TMCC1: variants seen among roughly 807,000 people sequenced by gnomAD.
The protein encoded by TMCC1 is transmembrane and coiled-coil domains protein 1.
TMCC1 carries 15 observed loss-of-function variants against 52.4 expected under a neutral mutation model. That is an observed-to-expected ratio of 0.29 (90% CI 0.19 to 0.44). TMCC1 has a LOEUF of 0.44. Ranked by LOEUF, TMCC1 falls within the 20% of genes least tolerant of loss-of-function variation. The pLI, the probability that TMCC1 is intolerant of heterozygous loss-of-function variation, is 1.00. For synonymous variants in TMCC1, 279 were observed against 301.9 expected (o/e 0.92, Z 0.79); for missense variants, 503 against 806.0 (o/e 0.62, Z 4.55).
intron 4 of TMCC1, among the ~76,000 whole-genome samples, chr3:129,784,221 A>T (rs2055785424): frequency 6.6e-6 from 1 of 152,098 alleles, no homozygotes; most frequent in South Asian, 2.1e-4. Flanking sequence ...CTGGATATAG[A>T]AGTGAATTAA....
chr3:129,723,817 A>G (rs1402339687), intron 4 of TMCC1, among the ~76,000 whole-genome samples: 1 of 152,084 alleles, frequency 6.6e-6, no homozygotes. Context: ...GAAAAACGCT[A>G]AGTTTCAGCA....
chr3:129,694,056 T>C (rs933721236), intron 4 of TMCC1, among the ~76,000 whole-genome samples: 4 of 152,208 alleles, frequency 2.6e-5, no homozygotes, highest in African/African-American at 9.7e-5. Flanking sequence ...GCCTGATTCC[T>C]GAGGTGGTAA....
intron 4 of TMCC1, among the ~76,000 whole-genome samples, chr3:129,785,220 A>C (rs1371644159): frequency 3.3e-5 from 5 of 152,204 alleles, no homozygotes; most frequent in Non-Finnish European, 7.3e-5. Flanking sequence ...AAATACAGCA[A>C]GAAATTGGAT....
At chr3:129,723,068 A>G (rs2049758506) in intron 4 of TMCC1, among the ~76,000 whole-genome samples, 1 of 152,222 alleles carries the variant, frequency 6.6e-6, no homozygotes, top group Non-Finnish European at 1.5e-5. Context: ...GAAAATATGT[A>G]TCATTTATAA....
At chr3:129,831,812 A>G (rs966252523) in intron 3 of TMCC1, among the ~76,000 whole-genome samples, 6 of 152,174 alleles carry the variant, frequency 3.9e-5, no homozygotes, top group African/African-American at 1.4e-4. Flanking sequence ...AGAGGCTCAA[A>G]TGAATATGAA....
At chr3:129,660,422 G>C (rs538554541) in intron 5 of TMCC1, among the ~76,000 whole-genome samples, 1 of 152,216 alleles carries the variant, frequency 6.6e-6, no homozygotes, top group South Asian at 2.1e-4. Flanking sequence ...CAAAGTGCTG[G>C]GATTACAGGC....
intron 4 of TMCC1, among the ~76,000 whole-genome samples, chr3:129,675,901 G>C (rs1190797072): frequency 2.0e-5 from 3 of 151,958 alleles, no homozygotes; most frequent in Admixed American, 6.6e-5. Context: ...GCTGGGCGTG[G>C]TGGCGGGTGC....
At position 129,670,485 on chromosome 3, in the gene TMCC1, C is replaced by G; in HGVS notation, c.1356G>C (p.Leu452=). 2.5e-6 allele frequency: 4 copies of G among 1,614,178 alleles called. No homozygotes were observed. Among genetic ancestry groups the G allele is most frequent in the Non-Finnish European group, 2.5e-6 (3 of 1,180,028 alleles). The change falls in exon 5 of 7, where the codon CTG becomes CTC. Residue 452 remains leucine (L), a synonymous_variant. Transcript: ENST00000393238. ...VGASSSKTNT[L]DMQSSGFDAL... ...CATCAAATCCTGAGCTCTGCATGTC[C>G]AGGGTGTTTGTTTTGGAGCTGGATG...
intron 4 of TMCC1, among the ~76,000 whole-genome samples, chr3:129,761,720 G>C (rs1409886735): frequency 6.6e-6 from 1 of 152,142 alleles, no homozygotes; most frequent in African/African-American, 2.4e-5. Flanking sequence ...GCTGGATGCA[G>C]TGGCTCACAC....
intron 6 of TMCC1, among the ~76,000 whole-genome samples, chr3:129,653,022 T>C (rs1056827383): frequency 6.6e-6 from 1 of 152,260 alleles, no homozygotes; most frequent in Non-Finnish European, 1.5e-5. Context: ...AGGGTTTGGC[T>C]TTTCCAAACA....
intron 4 of TMCC1, among the ~76,000 whole-genome samples, chr3:129,805,945 A>G (rs1210495905): frequency 6.6e-6 from 1 of 152,010 alleles, no homozygotes; most frequent in East Asian, 1.9e-4. Flanking sequence ...AAAAAAAAAC[A>G]AAAAAACAAA....
chr3:129,717,392 T>C (rs867726089), intron 4 of TMCC1, among the ~76,000 whole-genome samples: 2 of 152,212 alleles, frequency 1.3e-5, no homozygotes, highest in South Asian at 4.1e-4. Context: ...GATTTTCCTC[T>C]TCTCTCATAG....
At chr3:129,694,771 C>T (rs1200635915) in intron 4 of TMCC1, among the ~76,000 whole-genome samples, 1 of 152,098 alleles carries the variant, frequency 6.6e-6, no homozygotes, top group African/African-American at 2.4e-5. Context: ...CAAGAAATAA[C>T]CATAAGAATG....
Position 129,651,585 on chromosome 3 carries a change from T to C in TMCC1, c.1858A>G (p.Arg620Gly), listed in dbSNP as rs1399660294. Residue 620 changes from arginine to glycine, a missense_variant, in exon 7 of 7, where the codon AGG (arginine) becomes GGG (glycine). Arg to Gly is a moderately radical substitution (Grantham distance 125). This residue lies in a region of TMCC1 where 50 missense variants were observed against 62.6 expected (regional missense o/e 0.80). Transcript: ENST00000393238. The surrounding 1 kb of genome is among the most constrained non-coding windows in gnomAD (Gnocchi z 5.1). ...CVVPLMKTRN[R>G]TFSTLFLVVF... Reference sequence around the variant, plus strand: ...ACAAGGAATAAAGTGCTGAACGTCCTGTTGCGAGTCTTCATGAGGGGGACC... The same window carrying C: ...ACAAGGAATAAAGTGCTGAACGTCCCGTTGCGAGTCTTCATGAGGGGGACC... The C allele has an allele frequency of 6.2e-7, 1 of 1,614,220 alleles. No individual in the cohort carries two copies.
Position 129,651,422 on chromosome 3 carries a change from C to T in TMCC1, c.*59G>A. 6.5e-7 allele frequency: 1 copy of T among 1,544,634 alleles called. No homozygotes were observed. The highest frequency in any genetic ancestry group is 8.8e-7 in the Non-Finnish European group (1 of 1,139,464). ...AACTTCAGAGTAGGTAAGTTGCTGT[C>T]TAACTCTCTGCTGCATGCACTCGCC... On this transcript the variant is annotated 3_prime_UTR_variant, in exon 7 of 7. Transcript: ENST00000393238. The surrounding 1 kb of genome is among the most constrained non-coding windows in gnomAD (Gnocchi z 5.1).
intron 4 of TMCC1, among the ~76,000 whole-genome samples, chr3:129,707,402 A>G (rs1232361152): frequency 1.3e-5 from 2 of 152,232 alleles, no homozygotes; most frequent in Non-Finnish European, 2.9e-5. Context: ...AAGGGGAAAA[A>G]TCATTCAAAA....
intron 4 of TMCC1, among the ~76,000 whole-genome samples, chr3:129,800,972 G>A (rs2057156684): frequency 7.5e-6 from 1 of 133,764 alleles, no homozygotes; most frequent in Admixed American, 8.6e-5. Flanking sequence ...TGCCCAGGCT[G>A]GAATGCAGTG....
chr3:129,831,962 C>T (rs2058937013), intron 3 of TMCC1, among the ~76,000 whole-genome samples: 1 of 152,164 alleles, frequency 6.6e-6, no homozygotes, highest in Non-Finnish European at 1.5e-5. Context: ...TCAAGCAATT[C>T]TCCTACCTCT....
intron 4 of TMCC1, among the ~76,000 whole-genome samples, chr3:129,671,744 GTA>G (rs747690247): frequency 3.3e-5 from 5 of 152,152 alleles, no homozygotes; most frequent in African/African-American, 4.8e-5. Flanking sequence ...GCAAGAATAG[GTA>G]TGTTACTGGC....
Sources: allele counts gnomAD v4.1 joint callset (sites outside exome capture counted in the v4.1 genomes callset), GRCh38; gene constraint gnomAD v4.1.1; regional missense constraint gnomAD v4.1.1; non-coding constraint Gnocchi (gnomAD v3.1); transcripts MANE v1.5; gene names NCBI Gene and HGNC (gene_info 2026-07-23, HGNC 2026-07-21).